Variants in RORB observed in about 807,000 individuals in gnomAD.
RORB encodes the protein RAR related orphan receptor B.
In RORB, 6 loss-of-function variants were observed where a neutral mutation model predicts 59.1. The observed-to-expected ratio is 0.10, with a 90% confidence interval of 0.06 to 0.20. RORB has a LOEUF of 0.20. RORB is among the 10% of genes least tolerant of loss of function. RORB has a pLI of 1.00. For missense variants in RORB, 320 were observed against 560.5 expected, an observed-to-expected ratio of 0.57 and a Z score of 4.33; for synonymous variants, 215 against 204.5, an observed-to-expected ratio of 1.05 and a Z score of -0.44.
At position 74,504,523 on chromosome 9, in the gene RORB, G is replaced by A. The variant is rs373795459; in HGVS notation, c.7+6540G>A. ...ACAAAAGTAATTTGCTTTGACTTAAGCATGTTCACCTCTGGGTAGTAAATA... is the reference window on the plus strand; with the variant it reads ...ACAAAAGTAATTTGCTTTGACTTAAACATGTTCACCTCTGGGTAGTAAATA... On this transcript the variant is annotated intron_variant, in intron 1 of 9. Transcript: ENST00000376896. Among the ~76,000 whole-genome samples, 21 of 152,094 alleles carry A rather than the reference G, an allele frequency of 1.4e-4. 1 individual carries two copies. In the East Asian group the frequency reaches 2.9e-3, roughly 21 times the overall value.
intron 1 of RORB, among the ~76,000 whole-genome samples, chr9:74,578,399 A>ATTAT (rs1822669276): frequency 6.6e-6 from 1 of 152,096 alleles, no homozygotes; most frequent in South Asian, 2.1e-4. Context: ...CTATTGCCAC[A>ATTAT]TTATTTGGTT....
chr9:74,636,830 C>CT (rs1169534067), intron 3 of RORB, among the ~76,000 whole-genome samples: 2 of 152,064 alleles, frequency 1.3e-5, no homozygotes, highest in Non-Finnish European at 2.9e-5. Flanking sequence ...ATGATTCTCT[C>CT]TAAGAGAAAA....
intron 1 of RORB, among the ~76,000 whole-genome samples, chr9:74,516,465 T>C (rs555022169): frequency 6.6e-6 from 1 of 152,070 alleles, no homozygotes; most frequent in African/African-American, 2.4e-5. Context: ...AAGAAAGAAT[T>C]GAGAGATGCT....
chr9:74,670,307 G>A (rs1335436899), intron 8 of RORB, among the ~76,000 whole-genome samples: 2 of 152,174 alleles, frequency 1.3e-5, no homozygotes, highest in East Asian at 1.9e-4. Context: ...TTGCTCCAAG[G>A]AAGCGTTAGA....
intron 1 of RORB, among the ~76,000 whole-genome samples, chr9:74,605,655 T>C (rs1276283168): frequency 6.6e-6 from 1 of 152,202 alleles, no homozygotes; most frequent in Non-Finnish European, 1.5e-5. Context: ...ATAGAAGAAA[T>C]GTCAATATTT....
chr9:74,649,810 C>T (rs961397235), intron 4 of RORB, among the ~76,000 whole-genome samples: 5 of 152,224 alleles, frequency 3.3e-5, no homozygotes, highest in Non-Finnish European at 7.3e-5. Flanking sequence ...TCAGTCACTA[C>T]AGGCTTGTGC....
chr9:74,621,382 T>C (rs7038412), intron 1 of RORB, among the ~76,000 whole-genome samples: 1,708 of 152,342 alleles, frequency 0.011, 30 homozygotes, highest in African/African-American at 0.037. Context: ...CTCAGTAATA[T>C]CCATTTAAGT....
chr9:74,632,754 T>C (rs543323741), intron 2 of RORB, among the ~76,000 whole-genome samples: 268 of 152,280 alleles, frequency 1.8e-3, no homozygotes, highest in African/African-American at 6.2e-3. Context: ...CACACAATTC[T>C]GTCTTAAAAT....
At chr9:74,554,723 T>C (rs1421583298) in intron 1 of RORB, among the ~76,000 whole-genome samples, 3 of 152,198 alleles carry the variant, frequency 2.0e-5, no homozygotes, top group Non-Finnish European at 4.4e-5. Flanking sequence ...GTTGAAATAC[T>C]AGCCTGAAAA....
At chr9:74,580,780 A>G (rs536184582) in intron 1 of RORB, among the ~76,000 whole-genome samples, 26 of 152,302 alleles carry the variant, frequency 1.7e-4, no homozygotes, top group Admixed American at 5.9e-4. Flanking sequence ...ATGTCATCTT[A>G]CCTTGGGGTA....
chr9:74,513,229 T>C (rs1033201986), intron 1 of RORB, among the ~76,000 whole-genome samples: 1 of 152,156 alleles, frequency 6.6e-6, no homozygotes, highest in South Asian at 2.1e-4. Context: ...AAAATATAAA[T>C]AGAATCGATG....
At chr9:74,511,036 C>T (rs1825930162) in intron 1 of RORB, among the ~76,000 whole-genome samples, 4 of 152,274 alleles carry the variant, frequency 2.6e-5, no homozygotes, top group African/African-American at 9.6e-5. Flanking sequence ...ACAAAAAAGA[C>T]TTTATACCTA....
chr9:74,684,670 A>G (rs1824607860), intron 9 of RORB, among the ~76,000 whole-genome samples: 1 of 152,200 alleles, frequency 6.6e-6, no homozygotes, highest in South Asian at 2.1e-4. Context: ...AAACCTAACA[A>G]TTGTAAGTGG....
chr9:74,627,021 G>C (rs567151547), intron 1 of RORB, among the ~76,000 whole-genome samples: 3 of 152,186 alleles, frequency 2.0e-5, no homozygotes, highest in South Asian at 2.1e-4. Context: ...AATTAGCTGG[G>C]CATGGTGGCA....
chr9:74,505,280 CTT>C (rs1436897457), intron 1 of RORB, among the ~76,000 whole-genome samples: 3 of 151,986 alleles, frequency 2.0e-5, no homozygotes, highest in African/African-American at 7.2e-5. Context: ...GTTCTGAAAA[CTT>C]TGTCAAACTC....
intron 1 of RORB, among the ~76,000 whole-genome samples, chr9:74,549,200 C>A (rs895486371): frequency 2.0e-5 from 3 of 152,100 alleles, no homozygotes; most frequent in African/African-American, 7.2e-5. Context: ...AATCCCAACA[C>A]TTTGGGAGGC....
intron 1 of RORB, among the ~76,000 whole-genome samples, chr9:74,575,157 G>A (rs765036452): frequency 5.9e-5 from 9 of 152,056 alleles, no homozygotes; most frequent in East Asian, 1.9e-4. Flanking sequence ...CAAGACTATC[G>A]TTTTATGCCC....
intron 1 of RORB, among the ~76,000 whole-genome samples, chr9:74,527,437 T>A (rs934811074): frequency 6.6e-6 from 1 of 152,054 alleles, no homozygotes; most frequent in Non-Finnish European, 1.5e-5. Flanking sequence ...CAGTCAGTAA[T>A]TTAAAAACAA....
At chr9:74,593,154 A>G (rs892941488) in intron 1 of RORB, among the ~76,000 whole-genome samples, 2 of 152,134 alleles carry the variant, frequency 1.3e-5, no homozygotes, top group Non-Finnish European at 2.9e-5. Flanking sequence ...AGGCACCAAA[A>G]CCATGACTTG....
Sources: allele counts gnomAD v4.1 joint callset (sites outside exome capture counted in the v4.1 genomes callset), GRCh38; gene constraint gnomAD v4.1.1; transcripts MANE v1.5; gene names NCBI Gene and HGNC (gene_info 2026-07-23, HGNC 2026-07-21).